Variants in CCDC91 observed in about 807,000 individuals in gnomAD.
CCDC91 encodes the protein coiled-coil domain containing 91, also known as coiled-coil domain-containing protein 91.
In CCDC91, 48 loss-of-function variants were observed where a neutral mutation model predicts 63.2. That is an observed-to-expected ratio of 0.76 (90% CI 0.60 to 0.97). The LOEUF (loss-of-function observed/expected upper bound fraction) is 0.97. Ranked by LOEUF, CCDC91 falls within the 50% of genes least tolerant of loss-of-function variation. The pLI is 0.00. For missense variants in CCDC91, 500 were observed against 494.6 expected (o/e 1.01, Z -0.10); for synonymous variants, 167 against 165.8 (o/e 1.01, Z -0.06).
At chr12:28,412,179 C>T (rs1409386371) in intron 8 of CCDC91, among the ~76,000 whole-genome samples, 1 of 152,168 alleles carries the variant, frequency 6.6e-6, no homozygotes, top group Non-Finnish European at 1.5e-5. Context: ...TGTGTAAGTA[C>T]ACTCTATGAT....
chr12:28,528,167 T>G (rs1202541584), intron 12 of CCDC91, among the ~76,000 whole-genome samples: 1 of 152,200 alleles, frequency 6.6e-6, no homozygotes, highest in East Asian at 1.9e-4. Context: ...GGAGGTTTCC[T>G]TCTCCCTGTG....
At chr12:28,380,059 C>T (rs1417825665) in intron 7 of CCDC91, among the ~76,000 whole-genome samples, 1 of 152,052 alleles carries the variant, frequency 6.6e-6, no homozygotes, top group Non-Finnish European at 1.5e-5. Flanking sequence ...TCATTCTCAG[C>T]AAACTATCAC....
intron 11 of CCDC91, among the ~76,000 whole-genome samples, chr12:28,467,476 AAG>A (rs746014313): frequency 6.6e-5 from 10 of 150,976 alleles, no homozygotes; most frequent in Non-Finnish European, 7.4e-5. Context: ...ATTAGAGCTA[AAG>A]AGAGAGAGAG....
At chr12:28,396,662 GTGTGTGTGTGTGTGTGTGGGCA>G (rs1407221697) in intron 8 of CCDC91, among the ~76,000 whole-genome samples, 1 of 151,426 alleles carries the variant, frequency 6.6e-6, no homozygotes, top group African/African-American at 2.4e-5. Flanking sequence ...GTGTGTGTGT[GTGTGTGTGTGTGTGTGTGGGCA>G]TGTGTGTGTG....
At chr12:28,198,991 G>T (rs1197258434) in intron 1 of CCDC91, 4 of 151,178 alleles carry the variant, frequency 2.6e-5, no homozygotes, top group African/African-American at 9.7e-5. Flanking sequence ...ATAGCTCACT[G>T]CAGCCTCCAG....
At chr12:28,429,411 A>G (rs1431437253) in intron 8 of CCDC91, among the ~76,000 whole-genome samples, 2 of 152,196 alleles carry the variant, frequency 1.3e-5, no homozygotes, top group Non-Finnish European at 2.9e-5. Context: ...TCAATGTACC[A>G]GGCAACATAC....
intron 3 of CCDC91, among the ~76,000 whole-genome samples, chr12:28,279,382 T>C (rs1948451977): frequency 6.6e-6 from 1 of 152,124 alleles, no homozygotes; most frequent in African/African-American, 2.4e-5. Flanking sequence ...TATAAGTATA[T>C]AGACTTTCCT....
At chr12:28,426,020 C>T (rs758193401) in intron 8 of CCDC91, among the ~76,000 whole-genome samples, 28 of 152,140 alleles carry the variant, frequency 1.8e-4, no homozygotes, top group Non-Finnish European at 3.7e-4. Context: ...CTCCTGTAGT[C>T]TGTTTATTCT....
chr12:28,296,810 T>C (rs1949590209), intron 3 of CCDC91, among the ~76,000 whole-genome samples: 1 of 151,940 alleles, frequency 6.6e-6, no homozygotes, highest in Non-Finnish European at 1.5e-5. Context: ...GATATGTGAT[T>C]TGGATCTCCA....
At chr12:28,504,418 G>A (rs1938443722) in intron 12 of CCDC91, among the ~76,000 whole-genome samples, 1 of 151,766 alleles carries the variant, frequency 6.6e-6, no homozygotes, top group Non-Finnish European at 1.5e-5. Context: ...CCCTGAAATG[G>A]GAATTAACCA....
intron 1 of CCDC91, among the ~76,000 whole-genome samples, chr12:28,217,457 A>C (rs1943638504): frequency 6.6e-6 from 1 of 152,164 alleles, no homozygotes; most frequent in Admixed American, 6.6e-5. Context: ...GGTAGACTTC[A>C]GATGTTTTCC....
At position 28,307,689 on chromosome 12, in the gene CCDC91, C is replaced by G. The variant is rs1286108722; in HGVS notation, c.516C>G (p.Gly172=). Residue 172 remains glycine (G), a synonymous_variant, in exon 6 of 13, where the codon GGC becomes GGG. Coordinates refer to ENST00000536442, the MANE Select transcript of CCDC91 (RefSeq NM_018318.5). ...LMEKHNVLEK[G]FLKEKEQEAI... ...AAAAGCATAATGTCTTAGAAAAAGG[C>G]TTTCTAAAAGAAAAAGAGCAAGAGG... The G allele has an allele frequency of 6.3e-7, 1 of 1,589,608 alleles. No individual in the cohort carries two copies. Among genetic ancestry groups the G allele is most frequent in the Non-Finnish European group, 8.6e-7 (1 of 1,167,486 alleles).
intron 3 of CCDC91, among the ~76,000 whole-genome samples, chr12:28,293,414 T>C (rs1003889412): frequency 6.6e-6 from 1 of 152,198 alleles, no homozygotes; most frequent in Non-Finnish European, 1.5e-5. Flanking sequence ...GAAGGGGACT[T>C]TAAAGTAGTT....
At chr12:28,412,741 T>C in intron 8 of CCDC91, 2 of 453,768 alleles carry the variant, frequency 4.4e-6, no homozygotes, top group South Asian at 3.1e-5. Flanking sequence ...ATGTTCCATT[T>C]CTGTCCTTTC....
At chr12:28,303,631 T>G (rs956296235) in intron 3 of CCDC91, among the ~76,000 whole-genome samples, 9 of 152,124 alleles carry the variant, frequency 5.9e-5, no homozygotes, top group Non-Finnish European at 1.3e-4. Flanking sequence ...TAAACATACT[T>G]GCTCAATAAA....
chr12:28,427,375 C>G (rs975535609), intron 8 of CCDC91, among the ~76,000 whole-genome samples: 1 of 152,082 alleles, frequency 6.6e-6, no homozygotes, highest in Non-Finnish European at 1.5e-5. Context: ...GGTTACACTT[C>G]TCTTCCCTTC....
At chr12:28,199,630 A>T (rs1942055885) in intron 1 of CCDC91, among the ~76,000 whole-genome samples, 1 of 152,202 alleles carries the variant, frequency 6.6e-6, no homozygotes, top group Non-Finnish European at 1.5e-5. Flanking sequence ...CATAGATAAG[A>T]TGTGCTAGCA....
At chr12:28,437,852 G>C (rs1242239296) in intron 8 of CCDC91, among the ~76,000 whole-genome samples, 1 of 151,848 alleles carries the variant, frequency 6.6e-6, no homozygotes, top group Non-Finnish European at 1.5e-5. Context: ...TTTGTGTCTG[G>C]TAGATTCTCA....
chr12:28,251,679 C>T (rs1946126086), intron 1 of CCDC91, among the ~76,000 whole-genome samples: 3 of 152,012 alleles, frequency 2.0e-5, no homozygotes, highest in Admixed American at 2.0e-4. Context: ...GGTTAGTTCT[C>T]TAGTCACTAA....
Sources: allele counts gnomAD v4.1 joint callset (sites outside exome capture counted in the v4.1 genomes callset), GRCh38; gene constraint gnomAD v4.1.1; transcripts MANE v1.5; gene names NCBI Gene and HGNC (gene_info 2026-07-23, HGNC 2026-07-21).